AGBL1: variants seen among roughly 807,000 people sequenced by gnomAD.
AGBL1 encodes AGBL carboxypeptidase 1.
A neutral mutation model predicts 118.9 loss-of-function variants in AGBL1; 130 were observed. The ratio of observed to expected loss-of-function variants is 1.09; its 90% CI spans 0.95 to 1.26. The LOEUF (loss-of-function observed/expected upper bound fraction) is 1.26, where lower values mean the gene tolerates loss of function less well. Ranked by LOEUF, AGBL1 falls within the 50% of genes most tolerant of loss-of-function variation. The pLI, the probability that AGBL1 is intolerant of heterozygous loss-of-function variation, is 0.00. For missense variants in AGBL1, 1,584 were observed against 1,298.1 expected (o/e 1.22, Z -3.38); for synonymous variants, 555 against 478.9 (o/e 1.16, Z -2.08).
In AGBL1 at chr15:86,079,875, G is replaced by A. The variant is rs1028768577; in HGVS notation, c.-98G>A. On this transcript the variant is annotated 5_prime_UTR_variant, in exon 1 of 23. Transcript: ENST00000614907. ...GTGCAGCTGAGGCCTCCGGGCAGTC[G>A]TCTCCTGCGAGGCGGGCAGCGAGGT... 7 of 905,948 alleles carry A rather than the reference G, an allele frequency of 7.7e-6. No individual in the cohort carries two copies. Among genetic ancestry groups the A allele is most frequent in the Non-Finnish European group, 1.0e-5 (7 of 688,326 alleles). The allele number at this position is 905,948 out of a possible 1,614,324, so 56.1% of individuals were successfully genotyped here.
intron 22 of AGBL1, among the ~76,000 whole-genome samples, chr15:86,885,504 C>G (rs535610083): frequency 6.6e-6 from 1 of 152,182 alleles, no homozygotes; most frequent in Non-Finnish European, 1.5e-5. Flanking sequence ...GTGACACTCT[C>G]TATATCATGT....
chr15:86,087,272 C>G (rs1895720671), intron 1 of AGBL1, among the ~76,000 whole-genome samples: 1 of 151,152 alleles, frequency 6.6e-6, no homozygotes, highest in African/African-American at 2.4e-5. Flanking sequence ...ATTTCTGAAA[C>G]AGCTTCTGCA....
intron 23 of AGBL1, among the ~76,000 whole-genome samples, chr15:86,952,009 G>A (rs1250864473): frequency 6.6e-6 from 1 of 152,074 alleles, no homozygotes; most frequent in Non-Finnish European, 1.5e-5. Context: ...GAGGCGGGTG[G>A]ATCACAAGAT....
chr15:86,402,146 T>G (rs190785204), intron 18 of AGBL1, among the ~76,000 whole-genome samples: 18 of 152,262 alleles, frequency 1.2e-4, no homozygotes, highest in Non-Finnish European at 2.4e-4. Flanking sequence ...TTTGTTTTCC[T>G]AGTAGAGATA....
chr15:86,251,713 G>T (rs974678135), intron 7 of AGBL1, among the ~76,000 whole-genome samples: 2 of 151,926 alleles, frequency 1.3e-5, no homozygotes, highest in South Asian at 2.1e-4. Context: ...AAGTTCAAAG[G>T]CTGAGATCAT....
chr15:86,933,399 T>G (rs2080629143), intron 23 of AGBL1, among the ~76,000 whole-genome samples: 1 of 152,104 alleles, frequency 6.6e-6, no homozygotes, highest in South Asian at 2.1e-4. Flanking sequence ...TCTGCTCAAA[T>G]GTAGGCATAA....
intron 19 of AGBL1, among the ~76,000 whole-genome samples, chr15:86,537,438 C>T (rs1220867211): frequency 6.6e-6 from 1 of 152,204 alleles, no homozygotes; most frequent in Non-Finnish European, 1.5e-5. Flanking sequence ...TACTGCTTCT[C>T]TCCCTTCAAT....
chr15:86,785,615 G>A (rs370718221), intron 22 of AGBL1, among the ~76,000 whole-genome samples: 3 of 152,060 alleles, frequency 2.0e-5, no homozygotes, highest in South Asian at 2.1e-4. Context: ...CGATCCACCC[G>A]CCTTGGCCCC....
chr15:86,257,464 T>A (rs2078914656), intron 8 of AGBL1, among the ~76,000 whole-genome samples: 2 of 152,368 alleles, frequency 1.3e-5, no homozygotes, highest in South Asian at 4.1e-4. Flanking sequence ...TGGGAAGATC[T>A]TCCTGTCAAA....
At chr15:86,575,430 G>A (rs1297440051) in intron 21 of AGBL1, among the ~76,000 whole-genome samples, 1 of 151,926 alleles carries the variant, frequency 6.6e-6, no homozygotes, top group Admixed American at 6.6e-5. Context: ...AGCCTGGGAA[G>A]TTGAGGCTGC....
chr15:86,146,851 G>A (rs1394599499), intron 3 of AGBL1, among the ~76,000 whole-genome samples: 1 of 152,140 alleles, frequency 6.6e-6, no homozygotes, highest in African/African-American at 2.4e-5. Context: ...CTCTTTGCTG[G>A]TGTCCTTTAG....
chr15:86,978,808 C>CTA (rs2081200143), intron 23 of AGBL1, among the ~76,000 whole-genome samples: 1 of 152,140 alleles, frequency 6.6e-6, no homozygotes, highest in African/African-American at 2.4e-5. Context: ...GAGCCTCTTA[C>CTA]TATGTCTTGT....
chr15:86,519,659 T>C (rs1011925585), intron 18 of AGBL1, among the ~76,000 whole-genome samples: 13 of 152,174 alleles, frequency 8.5e-5, no homozygotes, highest in African/African-American at 3.1e-4. Flanking sequence ...CACACAGAGA[T>C]ACTCTCCAAA....
intron 18 of AGBL1, among the ~76,000 whole-genome samples, chr15:86,481,374 A>C (rs1352626263): frequency 6.6e-6 from 1 of 152,078 alleles, no homozygotes; most frequent in South Asian, 2.1e-4. Flanking sequence ...AATTTAAATC[A>C]GTTGCTTCCA....
rs915482324 is a variant in AGBL1 at position 86,992,013 on chromosome 15, G to A, written c.3323+3925G>A. Reference sequence around the variant, plus strand: ...GAGGCTGGGTAGTTTATAAGGAAAAGAGGTTTAATTGGCTCCTAATTCTAC... The same window carrying A: ...GAGGCTGGGTAGTTTATAAGGAAAAAAGGTTTAATTGGCTCCTAATTCTAC... On this transcript the variant is annotated intron_variant, in intron 24 of 24. Transcript: ENST00000441037. 3.9e-5 allele frequency among the ~76,000 whole-genome samples: 6 copies of A among 152,316 alleles called. No homozygotes were observed. In the South Asian group the frequency reaches 1.2e-3, roughly 32 times the overall value.
intron 23 of AGBL1, among the ~76,000 whole-genome samples, chr15:86,967,133 A>G (rs1215619843): frequency 2.6e-5 from 4 of 152,124 alleles, no homozygotes; most frequent in African/African-American, 9.7e-5. Context: ...TCTTTTGAGA[A>G]GCGTCTGTTC....
chr15:86,110,460 T>A (rs543823437), intron 1 of AGBL1, among the ~76,000 whole-genome samples: 1 of 151,958 alleles, frequency 6.6e-6, no homozygotes, highest in Admixed American at 6.6e-5. Flanking sequence ...TAAGTGGGAG[T>A]GGATCATCTT....
At chr15:86,332,637 C>G (rs1246943386) in intron 17 of AGBL1, among the ~76,000 whole-genome samples, 1 of 116,678 alleles carries the variant, frequency 8.6e-6, no homozygotes, top group African/African-American at 3.4e-5. Flanking sequence ...CAGAGTGAGA[C>G]TCCATCTCAA....
intron 22 of AGBL1, among the ~76,000 whole-genome samples, chr15:86,882,189 T>C (rs1296776532): frequency 1.3e-5 from 2 of 152,154 alleles, no homozygotes; most frequent in Non-Finnish European, 2.9e-5. Context: ...CTCATGACAA[T>C]GGTTTTTTGA....
Sources: gnomAD v4.1 joint callset for allele counts (sites outside exome capture counted in the v4.1 genomes callset) on GRCh38, gnomAD v4.1.1 for gene constraint, MANE v1.5 for transcripts, NCBI Gene and HGNC (gene_info 2026-07-23, HGNC 2026-07-21) for gene names.